Variants in TANC2 observed in about 807,000 individuals in gnomAD.
The protein encoded by TANC2 is tetratricopeptide repeat, ankyrin repeat and coiled-coil containing 2.
In TANC2, 26 loss-of-function variants were observed where a neutral mutation model predicts 210.5. The ratio of observed to expected loss-of-function variants is 0.12; its 90% CI spans 0.09 to 0.17. The LOEUF (loss-of-function observed/expected upper bound fraction) is 0.17, where lower values mean the gene tolerates loss of function less well. Among genes scored for constraint, TANC2 ranks in the 10% least tolerant of loss-of-function variants. The pLI, the probability that TANC2 is intolerant of heterozygous loss-of-function variation, is 1.00. For missense variants in TANC2, 2,129 were observed against 2,608.9 expected, an observed-to-expected ratio of 0.82 and a Z score of 4.01; for synonymous variants, 931 against 967.1, an observed-to-expected ratio of 0.96 and a Z score of 0.69.
intron 21 of TANC2, among the ~76,000 whole-genome samples, chr17:63,408,717 C>T (rs2048595376): frequency 6.6e-6 from 1 of 152,228 alleles, no homozygotes; most frequent in Non-Finnish European, 1.5e-5. Context: ...TCCAGAGATG[C>T]AAAGGTGATA....
intron 27 of TANC2, among the ~76,000 whole-genome samples, chr17:63,419,063 A>C (rs1183532449): frequency 6.6e-6 from 1 of 152,214 alleles, no homozygotes; most frequent in Non-Finnish European, 1.5e-5. Flanking sequence ...AGAACCTGCC[A>C]TCAGTGATCT....
chr17:63,173,802 C>G (rs987439772), intron 5 of TANC2, among the ~76,000 whole-genome samples: 16 of 152,022 alleles, frequency 1.1e-4, no homozygotes, highest in Non-Finnish European at 2.1e-4. Context: ...AACATACATA[C>G]ACAAAATAAA....
chr17:63,295,640 T>C (rs2044512574), intron 9 of TANC2, among the ~76,000 whole-genome samples: 1 of 152,140 alleles, frequency 6.6e-6, no homozygotes. Context: ...GCTTAGCCAG[T>C]CATATAAGCC....
intron 7 of TANC2, among the ~76,000 whole-genome samples, chr17:63,214,553 GGCACCA>G (rs1190904920): frequency 6.6e-6 from 1 of 152,196 alleles, no homozygotes; most frequent in Non-Finnish European, 1.5e-5. Flanking sequence ...CCAAGATCAA[GGCACCA>G]GCAGATTTGA....
chr17:62,986,209 G>A (rs2032557829), intron 1 of TANC2, among the ~76,000 whole-genome samples: 1 of 152,204 alleles, frequency 6.6e-6, no homozygotes, highest in South Asian at 2.1e-4. Flanking sequence ...CCAGGGGTAG[G>A]CTCACTGGGC....
chr17:63,005,343 A>C (rs566058465), intron 1 of TANC2, among the ~76,000 whole-genome samples: 2 of 152,216 alleles, frequency 1.3e-5, no homozygotes, highest in African/African-American at 4.8e-5. Flanking sequence ...AACAAGAAAG[A>C]GCTGTAGAGT....
chr17:63,234,622 G>A (rs2042570905), intron 7 of TANC2, among the ~76,000 whole-genome samples: 2 of 150,462 alleles, frequency 1.3e-5, no homozygotes, highest in South Asian at 4.2e-4. Context: ...GGGCATTACA[G>A]AGCTGGGTGC....
intron 11 of TANC2, among the ~76,000 whole-genome samples, chr17:63,336,198 G>T (rs1234798150): frequency 6.6e-6 from 1 of 152,256 alleles, no homozygotes; most frequent in East Asian, 1.9e-4. Context: ...TCGGGTGGTA[G>T]TGAGGAAGAA....
chr17:63,094,008 G>A (rs1488316326), intron 3 of TANC2, among the ~76,000 whole-genome samples: 1 of 151,968 alleles, frequency 6.6e-6, no homozygotes, highest in Non-Finnish European at 1.5e-5. Context: ...AATATTTTAT[G>A]TTTTTAGTAG....
chr17:63,049,018 C>G (rs566263127), intron 2 of TANC2, among the ~76,000 whole-genome samples: 1 of 152,230 alleles, frequency 6.6e-6, no homozygotes, highest in South Asian at 2.1e-4. Context: ...ATTTCTCCTT[C>G]CCAACCCTCC....
intron 2 of TANC2, among the ~76,000 whole-genome samples, chr17:63,010,462 G>GTT (rs762181388): frequency 3.5e-5 from 5 of 141,932 alleles, no homozygotes; most frequent in African/African-American, 1.0e-4. Context: ...AAATATGTGG[G>GTT]TTTTTTTTTT....
At chr17:62,974,254 A>G (rs1359209524) in intron 1 of TANC2, among the ~76,000 whole-genome samples, 1 of 152,112 alleles carries the variant, frequency 6.6e-6, no homozygotes, top group Non-Finnish European at 1.5e-5. Context: ...TACATCTAAC[A>G]CTGAATAAGA....
At chr17:63,046,901 T>G (rs1018786042) in intron 2 of TANC2, among the ~76,000 whole-genome samples, 1 of 152,200 alleles carries the variant, frequency 6.6e-6, no homozygotes, top group South Asian at 2.1e-4. Flanking sequence ...AGTGTCTATA[T>G]ATTTGAATTT....
chr17:63,038,159 T>C (rs2035048270), intron 2 of TANC2, among the ~76,000 whole-genome samples: 1 of 152,194 alleles, frequency 6.6e-6, no homozygotes, highest in African/African-American at 2.4e-5. Flanking sequence ...TAGCTGTAGA[T>C]ATTTTATGGA....
intron 4 of TANC2, among the ~76,000 whole-genome samples, chr17:63,140,300 GAATAGGCTA>G (rs1280611550): frequency 2.0e-5 from 3 of 152,202 alleles, no homozygotes; most frequent in Admixed American, 2.0e-4. Flanking sequence ...TCATTAGTCA[GAATAGGCTA>G]AACTATATTG....
At chr17:62,991,285 A>G (rs909142490) in intron 1 of TANC2, among the ~76,000 whole-genome samples, 15 of 152,138 alleles carry the variant, frequency 9.9e-5, no homozygotes, top group Non-Finnish European at 1.5e-5. Flanking sequence ...TTGCATGCCA[A>G]GTTTGACCCT....
At position 63,421,364 on chromosome 17, in the gene TANC2, C is replaced by T. The variant is rs780335763; in HGVS notation, c.5634C>T (p.Asn1878=). Residue 1878 remains asparagine, a synonymous_variant, in exon 28 of 28, where the codon AAC becomes AAT. Transcript: ENST00000689528. This position sits in a 1 kb window ranked among gnomAD's most constrained non-coding sequence, Gnocchi z 6.9. ...GCAATAGTATCTCCTCCACCTCCAA[C>T]CTAACTCCGACCTTCCGGCCATCTT... The T allele has an allele frequency of 2.5e-6, 4 of 1,614,060 alleles. No homozygotes were observed. Among genetic ancestry groups the T allele is most frequent in the African/African-American group, 1.3e-5 (1 of 75,060 alleles).
At chr17:63,423,664 A>C (rs534347382) in exon 28 of TANC2, 6 of 152,338 alleles carry the variant, frequency 3.9e-5, no homozygotes, top group Non-Finnish European at 7.4e-5. Context: ...CACAGGGAGC[A>C]TGAACCTGAG....
chr17:63,307,856 C>T (rs1974601), intron 9 of TANC2, among the ~76,000 whole-genome samples: 96 of 152,302 alleles, frequency 6.3e-4, no homozygotes, highest in Non-Finnish European at 1.2e-4. Flanking sequence ...ATCTCTGCCT[C>T]CCAGGTTCAC....
Sources: gnomAD v4.1 joint callset for allele counts (sites outside exome capture counted in the v4.1 genomes callset) on GRCh38, gnomAD v4.1.1 for gene constraint, Gnocchi (gnomAD v3.1) non-coding constraint, MANE v1.5 for transcripts, NCBI Gene and HGNC (gene_info 2026-07-23, HGNC 2026-07-21) for gene names.